NYAP2: variants seen among roughly 807,000 people sequenced by gnomAD.
The protein encoded by NYAP2 is neuronal tyrosine-phosphorylated phosphoinositide-3-kinase adapter 2.
In NYAP2, 23 loss-of-function variants were observed where a neutral mutation model predicts 50.4. The observed-to-expected ratio is 0.46, with a 90% CI of 0.33 to 0.65. The LOEUF (loss-of-function observed/expected upper bound fraction) is 0.65, where lower values mean the gene tolerates loss of function less well. Ranked by LOEUF, NYAP2 falls within the 30% of genes least tolerant of loss-of-function variation. The probability of loss-of-function intolerance (pLI) is 0.02; values close to 1 mark genes in which losing one functional copy is unlikely to be tolerated. For missense variants in NYAP2, 885 were observed against 861.0 expected, an observed-to-expected ratio of 1.03 and a Z score of -0.35; for synonymous variants, 394 against 365.2, an observed-to-expected ratio of 1.08 and a Z score of -0.90.
chr2:225,600,219 AG>A (rs1692670925), intron 5 of NYAP2, among the ~76,000 whole-genome samples: 1 of 152,092 alleles, frequency 6.6e-6, no homozygotes, highest in South Asian at 2.1e-4. Context: ...TCTTGTGCTG[AG>A]TAAGTTCCTG....
intron 5 of NYAP2, among the ~76,000 whole-genome samples, chr2:225,592,069 C>T (rs1191539606): frequency 6.6e-6 from 1 of 152,152 alleles, no homozygotes; most frequent in Non-Finnish European, 1.5e-5. Context: ...GATGTGAGTG[C>T]TCACCTTAGT....
At chr2:225,694,593 T>C in the NYAP2 span, among the ~76,000 whole-genome samples, 1 of 151,922 alleles carries the variant, frequency 6.6e-6, no homozygotes, top group South Asian at 2.1e-4. Context: ...TATTTAAAAA[T>C]AAATGTGGGA....
At chr2:225,441,159 T>C (rs1025738081) in intron 3 of NYAP2, among the ~76,000 whole-genome samples, 1 of 152,220 alleles carries the variant, frequency 6.6e-6, no homozygotes, top group Non-Finnish European at 1.5e-5. Flanking sequence ...GAGCTACGTA[T>C]TCCACAGGCA....
chr2:225,597,374 T>G (rs1692619709), intron 5 of NYAP2, among the ~76,000 whole-genome samples: 1 of 150,976 alleles, frequency 6.6e-6, no homozygotes, highest in Admixed American at 6.6e-5. Flanking sequence ...TAGCTCCCAC[T>G]TATAAGTGAG....
intron 4 of NYAP2, among the ~76,000 whole-genome samples, chr2:225,578,349 A>G (rs1358509944): frequency 6.6e-6 from 1 of 152,102 alleles, no homozygotes; most frequent in Non-Finnish European, 1.5e-5. Context: ...GGAAGGGAAG[A>G]GGGAAGAAGC....
At chr2:225,567,569 G>A (rs1691982737) in intron 4 of NYAP2, among the ~76,000 whole-genome samples, 1 of 151,958 alleles carries the variant, frequency 6.6e-6, no homozygotes, top group African/African-American at 2.4e-5. Context: ...GTAAAAATGA[G>A]GAAGTTCACA....
At chr2:225,410,465 T>G (rs1288172050) in intron 3 of NYAP2, among the ~76,000 whole-genome samples, 3 of 152,038 alleles carry the variant, frequency 2.0e-5, no homozygotes, top group African/African-American at 4.8e-5. Flanking sequence ...GGACATTTTT[T>G]TGTGTGTGAG....
At chr2:225,546,803 C>G (rs1691593304) in intron 4 of NYAP2, among the ~76,000 whole-genome samples, 1 of 152,176 alleles carries the variant, frequency 6.6e-6, no homozygotes, top group Non-Finnish European at 1.5e-5. Flanking sequence ...CTGGGTTCCA[C>G]CTGAAGACAA....
intron 4 of NYAP2, among the ~76,000 whole-genome samples, chr2:225,559,756 G>A (rs1196385085): frequency 6.6e-6 from 1 of 151,878 alleles, no homozygotes; most frequent in African/African-American, 2.4e-5. Flanking sequence ...ACTCCCAAAA[G>A]GAGCTTTATA....
chr2:225,499,217 G>C (rs1690557944), intron 3 of NYAP2, among the ~76,000 whole-genome samples: 1 of 152,144 alleles, frequency 6.6e-6, no homozygotes. Context: ...ATTCCAGAAA[G>C]AAGCTGCGGT....
At chr2:225,488,168 T>C (rs1690337050) in intron 3 of NYAP2, among the ~76,000 whole-genome samples, 1 of 152,214 alleles carries the variant, frequency 6.6e-6, no homozygotes, top group Non-Finnish European at 1.5e-5. Flanking sequence ...CAGAAAAATC[T>C]TAATCATTCT....
At chr2:225,405,591 T>C (rs1050473219) in intron 2 of NYAP2, among the ~76,000 whole-genome samples, 2 of 151,972 alleles carry the variant, frequency 1.3e-5, no homozygotes, top group Non-Finnish European at 2.9e-5. Flanking sequence ...CTGCTTTGAA[T>C]TGGTAGCTGT....
At chr2:225,623,524 A>G (rs1693159788) in intron 5 of NYAP2, among the ~76,000 whole-genome samples, 1 of 152,174 alleles carries the variant, frequency 6.6e-6, no homozygotes, top group African/African-American at 2.4e-5. Context: ...TTTAATGACT[A>G]TAAGCAATAC....
At chr2:225,551,417 A>T (rs13397078) in intron 4 of NYAP2, among the ~76,000 whole-genome samples, 3 of 152,036 alleles carry the variant, frequency 2.0e-5, no homozygotes, top group African/African-American at 7.2e-5. Context: ...AGGTTGGAAG[A>T]CCTCTTCCAA....
At chr2:225,425,637 AAT>A (rs1190942557) in intron 3 of NYAP2, among the ~76,000 whole-genome samples, 1 of 152,208 alleles carries the variant, frequency 6.6e-6, no homozygotes, top group Non-Finnish European at 1.5e-5. Flanking sequence ...AGACCTATCT[AAT>A]ATGTTTAAAA....
chr2:225,618,846 G>A (rs1298545930), intron 5 of NYAP2, among the ~76,000 whole-genome samples: 1 of 152,198 alleles, frequency 6.6e-6, no homozygotes, highest in African/African-American at 2.4e-5. Flanking sequence ...ATCATGACAG[G>A]AGACAGGCAG....
chr2:225,678,526 A>C, the NYAP2 span, among the ~76,000 whole-genome samples: 90 of 152,234 alleles, frequency 5.9e-4, 2 homozygotes, highest in East Asian at 0.016. Flanking sequence ...AAAACTTAGA[A>C]CCAATTAATA....
intron 5 of NYAP2, among the ~76,000 whole-genome samples, chr2:225,588,563 G>T (rs1361968623): frequency 6.6e-6 from 1 of 152,132 alleles, no homozygotes; most frequent in African/African-American, 2.4e-5. Context: ...AATTTTTAAA[G>T]AATTTGTAAA....
At chr2:225,438,612 G>T (rs1689420980) in intron 3 of NYAP2, among the ~76,000 whole-genome samples, 1 of 152,190 alleles carries the variant, frequency 6.6e-6, no homozygotes, top group Non-Finnish European at 1.5e-5. Context: ...AAGAATTAAA[G>T]ATAGTATATA....
Sources: allele counts gnomAD v4.1 joint callset (sites outside exome capture counted in the v4.1 genomes callset), GRCh38; gene constraint gnomAD v4.1.1; transcripts MANE v1.5; gene names NCBI Gene and HGNC (gene_info 2026-07-23, HGNC 2026-07-21).